SLC4A4: variants seen among roughly 807,000 people sequenced by gnomAD.
SLC4A4 encodes solute carrier family 4 member 4, also known as electrogenic sodium bicarbonate cotransporter 1.
A neutral mutation model predicts 111.5 loss-of-function variants in SLC4A4; 27 were observed. The ratio of observed to expected loss-of-function variants is 0.24; its 90% CI spans 0.18 to 0.33. The LOEUF is 0.33. Among genes scored for constraint, SLC4A4 ranks in the 10% least tolerant of loss-of-function variants. SLC4A4 has a pLI of 1.00. For synonymous variants in SLC4A4, 443 were observed against 463.4 expected, an observed-to-expected ratio of 0.96 and a Z score of 0.57; for missense variants, 909 against 1,315.5, an observed-to-expected ratio of 0.69 and a Z score of 4.78.
chr4:71,468,082 T>A (rs574156079), intron 13 of SLC4A4, among the ~76,000 whole-genome samples: 3 of 151,970 alleles, frequency 2.0e-5, no homozygotes, highest in Admixed American at 2.0e-4. Flanking sequence ...TCAGCAGGAG[T>A]CTTTTGAGAA....
intron 6 of SLC4A4, among the ~76,000 whole-genome samples, chr4:71,380,990 TTC>T (rs1188125648): frequency 6.6e-6 from 1 of 152,156 alleles, no homozygotes; most frequent in Non-Finnish European, 1.5e-5. Context: ...TCTGCAATGG[TTC>T]TGTTTTCTGA....
chr4:71,065,417 A>G (rs962780892), intron 1 of SLC4A4, among the ~76,000 whole-genome samples: 10 of 140,090 alleles, frequency 7.1e-5, no homozygotes, highest in Non-Finnish European at 1.5e-4. Context: ...ATAATGAGAA[A>G]GTTATACATG....
At chr4:71,403,331 G>A (rs1720540168) in intron 7 of SLC4A4, among the ~76,000 whole-genome samples, 2 of 152,174 alleles carry the variant, frequency 1.3e-5, no homozygotes, top group Non-Finnish European at 2.9e-5. Flanking sequence ...TTCTGTGCTA[G>A]AAAATGTTCT....
chr4:71,436,854 GAC>G (rs1008757005), intron 7 of SLC4A4: 4 of 163,050 alleles, frequency 2.5e-5, no homozygotes, highest in African/African-American at 9.8e-5. Flanking sequence ...ACTTCCCATT[GAC>G]AGTGTCATGT....
At chr4:71,348,774 G>T (rs775975522) in intron 4 of SLC4A4, among the ~76,000 whole-genome samples, 114 of 152,224 alleles carry the variant, frequency 7.5e-4, no homozygotes, top group African/African-American at 4.8e-4. Flanking sequence ...TCCTCTGGGG[G>T]TGGTAAGAGG....
intron 2 of SLC4A4, among the ~76,000 whole-genome samples, chr4:71,241,729 G>T (rs1288814194): frequency 6.6e-6 from 1 of 152,162 alleles, no homozygotes; most frequent in Non-Finnish European, 1.5e-5. Context: ...AAACTCTTGG[G>T]CAAATACTGC....
intron 3 of SLC4A4, among the ~76,000 whole-genome samples, chr4:71,316,645 T>C (rs1177005010): frequency 2.0e-5 from 3 of 152,122 alleles, no homozygotes; most frequent in Non-Finnish European, 4.4e-5. Flanking sequence ...GCTGCACCTA[T>C]CAACCCATCA....
chr4:71,282,873 G>C (rs951438420), intron 3 of SLC4A4, among the ~76,000 whole-genome samples: 1 of 152,056 alleles, frequency 6.6e-6, no homozygotes, highest in Non-Finnish European at 1.5e-5. Flanking sequence ...TCCCATGCTT[G>C]CTCAGATTTT....
intron 16 of SLC4A4, among the ~76,000 whole-genome samples, chr4:71,517,113 C>A (rs1249172446): frequency 6.6e-6 from 1 of 152,034 alleles, no homozygotes; most frequent in Non-Finnish European, 1.5e-5. Flanking sequence ...TTTGACCTTC[C>A]TATAGCTAGA....
intron 5 of SLC4A4, among the ~76,000 whole-genome samples, chr4:71,353,216 T>A (rs897847497): frequency 6.6e-6 from 1 of 152,228 alleles, no homozygotes; most frequent in Non-Finnish European, 1.5e-5. Context: ...CCTCCATGCA[T>A]TTACTTTAAA....
chr4:71,272,821 G>T (rs1365253096), intron 3 of SLC4A4, among the ~76,000 whole-genome samples: 1 of 152,020 alleles, frequency 6.6e-6, no homozygotes, highest in African/African-American at 2.4e-5. Flanking sequence ...GGTCTCTGAG[G>T]AACCTACTAA....
chr4:71,508,478 C>A (rs1731618078), intron 16 of SLC4A4, among the ~76,000 whole-genome samples: 1 of 152,090 alleles, frequency 6.6e-6, no homozygotes, highest in South Asian at 2.1e-4. Context: ...ATAATATAAA[C>A]ACCTCTATGC....
intron 2 of SLC4A4, among the ~76,000 whole-genome samples, chr4:71,156,299 T>C (rs563714762): frequency 6.6e-6 from 1 of 152,160 alleles, no homozygotes; most frequent in Non-Finnish European, 1.5e-5. Flanking sequence ...TCTGGTGAGG[T>C]AAATGAGTTT....
chr4:71,202,106 C>A (rs879393497), intron 1 of SLC4A4, among the ~76,000 whole-genome samples: 2 of 152,132 alleles, frequency 1.3e-5, no homozygotes, highest in Admixed American at 1.3e-4. Context: ...TCACTGTAGG[C>A]CTAGATATAA....
chr4:71,090,520 A>G (rs1218779242), intron 1 of SLC4A4, among the ~76,000 whole-genome samples: 1 of 152,202 alleles, frequency 6.6e-6, no homozygotes, highest in Non-Finnish European at 1.5e-5. Context: ...TAAGAAATAA[A>G]AATGTATGTG....
chr4:71,095,329 G>A (rs1157676386), intron 2 of SLC4A4, among the ~76,000 whole-genome samples: 3 of 152,188 alleles, frequency 2.0e-5, no homozygotes, highest in East Asian at 1.9e-4. Context: ...GCCCTGCAGG[G>A]TCTGCCAAGA....
chr4:71,423,160 G>A (rs550092228), intron 7 of SLC4A4, among the ~76,000 whole-genome samples: 30 of 152,280 alleles, frequency 2.0e-4, no homozygotes, highest in African/African-American at 7.2e-4. Context: ...CAAAGTCAAT[G>A]TACAAAAATC....
At chr4:71,401,835 G>T (rs192300023) in intron 7 of SLC4A4, among the ~76,000 whole-genome samples, 129 of 152,260 alleles carry the variant, frequency 8.5e-4, no homozygotes, top group Admixed American at 3.3e-3. Flanking sequence ...TGAAATTGTA[G>T]TCTGTAGATT....
chr4:71,130,533 T>C (rs1743674607), intron 2 of SLC4A4, among the ~76,000 whole-genome samples: 1 of 152,192 alleles, frequency 6.6e-6, no homozygotes. Flanking sequence ...CCACAGTGCC[T>C]GGCCTCATTT....
Sources: allele counts gnomAD v4.1 joint callset (sites outside exome capture counted in the v4.1 genomes callset), GRCh38; gene constraint gnomAD v4.1.1; transcripts MANE v1.5; gene names NCBI Gene and HGNC (gene_info 2026-07-23, HGNC 2026-07-21).